RASAL2: variants seen among roughly 807,000 people sequenced by gnomAD.
RASAL2 encodes RAS protein activator like 2, also known as ras GTPase-activating protein nGAP.
A neutral mutation model predicts 128.9 loss-of-function variants in RASAL2; 58 were observed. The observed-to-expected ratio is 0.45, with a 90% CI of 0.36 to 0.56. The LOEUF (loss-of-function observed/expected upper bound fraction) is 0.56. Among genes scored for constraint, RASAL2 ranks in the 20% least tolerant of loss-of-function variants. The pLI is 0.00. For missense variants in RASAL2, 1,360 were observed against 1,601.6 expected, an observed-to-expected ratio of 0.85 and a Z score of 2.57; for synonymous variants, 561 against 580.8, an observed-to-expected ratio of 0.97 and a Z score of 0.49.
rs1660354395 is a variant in RASAL2, at chr1:178,137,091, A to G, written c.202+42397A>G. Among the ~76,000 whole-genome samples the G allele has an allele frequency of 2.0e-5, 3 of 152,296 alleles. No individual in the cohort carries two copies. In the South Asian group the frequency reaches 6.2e-4, roughly 32 times the overall value. Reference sequence around the variant, plus strand: ...GAGAGTTTAAATCCACAAGGGCTATAATTCTGCTTTCCAAAATTTTGAGAC... The same window carrying G: ...GAGAGTTTAAATCCACAAGGGCTATGATTCTGCTTTCCAAAATTTTGAGAC... On this transcript the variant is annotated intron_variant, in intron 1 of 17. Coordinates refer to ENST00000367649, the MANE Select transcript of RASAL2 (RefSeq NM_170692.4).
rs574155120 is a variant in RASAL2 at position 178,381,022 on chromosome 1, G to A, written c.458-9078G>A. Among the ~76,000 whole-genome samples, 3 of 152,274 alleles carry A rather than the reference G, an allele frequency of 2.0e-5. No homozygotes were observed. The South Asian group carries it at 6.2e-4, about 32-fold the overall frequency. On this transcript the variant is annotated intron_variant, in intron 3 of 17. Transcript: ENST00000367649. Reference sequence around the variant, plus strand: ...TGATATTGAAGGTCATCTAAGAGTTGGCAGATATGTAGGTGAAAAAAGCAG... The same window carrying A: ...TGATATTGAAGGTCATCTAAGAGTTAGCAGATATGTAGGTGAAAAAAGCAG...
chr1:178,450,588 A>T (rs1366685092), intron 9 of RASAL2, among the ~76,000 whole-genome samples: 1 of 152,114 alleles, frequency 6.6e-6, no homozygotes, highest in African/African-American at 2.4e-5. Context: ...GCTGCTACTT[A>T]GTTTTGCAGG....
chr1:178,336,503 A>C (rs1357850873), intron 3 of RASAL2, among the ~76,000 whole-genome samples: 1 of 152,130 alleles, frequency 6.6e-6, no homozygotes, highest in Admixed American at 6.5e-5. Flanking sequence ...TGTTATCTGC[A>C]TTATATGAGA....
chr1:178,442,415 AATG>A (rs1364640195), intron 7 of RASAL2, among the ~76,000 whole-genome samples: 3 of 152,058 alleles, frequency 2.0e-5, no homozygotes, highest in Admixed American at 2.0e-4. Context: ...ACCGTTACAA[AATG>A]ATATTTTCTT....
At chr1:178,471,276 AG>A (rs1195219403) in intron 17 of RASAL2, among the ~76,000 whole-genome samples, 1 of 152,108 alleles carries the variant, frequency 6.6e-6, no homozygotes, top group Non-Finnish European at 1.5e-5. Flanking sequence ...GCGAGTAGGG[AG>A]GGGGGAATAT....
chr1:178,103,809 A>G (rs1257352552), intron 1 of RASAL2, among the ~76,000 whole-genome samples: 1 of 151,810 alleles, frequency 6.6e-6, no homozygotes, highest in Non-Finnish European at 1.5e-5. Flanking sequence ...CAGTATTTTC[A>G]TTTTTCTTAT....
At chr1:178,428,712 C>T (rs1557981894) in intron 5 of RASAL2, among the ~76,000 whole-genome samples, 1 of 151,960 alleles carries the variant, frequency 6.6e-6, no homozygotes, top group Admixed American at 6.6e-5. Flanking sequence ...GCCTTAGCCT[C>T]CTAAAGTGCT....
At chr1:178,148,006 G>A (rs752260282) in intron 1 of RASAL2, among the ~76,000 whole-genome samples, 3 of 152,086 alleles carry the variant, frequency 2.0e-5, no homozygotes, top group Non-Finnish European at 4.4e-5. Flanking sequence ...AGGAGGCGGA[G>A]GTTGCAGTGA....
rs531015821 is a variant in RASAL2 at position 178,242,541 on chromosome 1, C to T, written c.203-41023C>T. 3.3e-5 allele frequency among the ~76,000 whole-genome samples: 5 copies of T among 149,748 alleles called. No individual in the cohort carries two copies. In the Admixed American group the frequency reaches 3.4e-4, roughly 10 times the overall value. ...CTCCTGGGCTCAAGCAGTCCTCCAC[C>T]CTCGGCTTCTTAAAGTGCTGTGATG... On this transcript the variant is annotated intron_variant, in intron 1 of 17. Transcript: ENST00000367649.
intron 3 of RASAL2, among the ~76,000 whole-genome samples, chr1:178,305,406 G>A (rs989284284): frequency 1.3e-5 from 2 of 152,140 alleles, no homozygotes; most frequent in Non-Finnish European, 2.9e-5. Flanking sequence ...TTACAGTACA[G>A]AGGTATAGTA....
chr1:178,199,009 T>C (rs1662771825), intron 1 of RASAL2, among the ~76,000 whole-genome samples: 1 of 152,194 alleles, frequency 6.6e-6, no homozygotes, highest in Non-Finnish European at 1.5e-5. Context: ...GTTTACCTAC[T>C]CAAGTAATGG....
chr1:178,387,306 A>G (rs2102592030), intron 3 of RASAL2, among the ~76,000 whole-genome samples: 1 of 152,238 alleles, frequency 6.6e-6, no homozygotes, highest in Non-Finnish European at 1.5e-5. Flanking sequence ...TCTGGACCCG[A>G]TAATACATCA....
At chr1:178,342,746 C>T (rs1669953420) in intron 3 of RASAL2, among the ~76,000 whole-genome samples, 1 of 152,088 alleles carries the variant, frequency 6.6e-6, no homozygotes, top group South Asian at 2.1e-4. Context: ...TATTCACTGC[C>T]TTTGTTATGT....
intron 4 of RASAL2, among the ~76,000 whole-genome samples, chr1:178,403,830 G>A (rs10798606): frequency 0.23 from 34,218 of 152,038 alleles, 6,733 homozygotes; most frequent in African/African-American, 0.53. Flanking sequence ...AAATTTGATT[G>A]TACAAAAGAA....
chr1:178,173,527 A>G (rs928637959), intron 1 of RASAL2, among the ~76,000 whole-genome samples: 4 of 151,990 alleles, frequency 2.6e-5, no homozygotes, highest in African/African-American at 9.7e-5. Flanking sequence ...CACATTTCGT[A>G]TGTATGTTCT....
chr1:178,098,859 A>ATT (rs1425245423), intron 1 of RASAL2, among the ~76,000 whole-genome samples: 1 of 152,190 alleles, frequency 6.6e-6, no homozygotes, highest in Non-Finnish European at 1.5e-5. Context: ...GGCTAGTACT[A>ATT]TTTAAGCAAA....
At chr1:178,151,183 A>T (rs1660902851) in intron 1 of RASAL2, among the ~76,000 whole-genome samples, 1 of 152,140 alleles carries the variant, frequency 6.6e-6, no homozygotes, top group Non-Finnish European at 1.5e-5. Flanking sequence ...AGGCGGGTGG[A>T]TCACTTGAGG....
intron 4 of RASAL2, among the ~76,000 whole-genome samples, chr1:178,395,224 C>A (rs1195164887): frequency 6.6e-6 from 1 of 152,104 alleles, no homozygotes; most frequent in Admixed American, 6.6e-5. Flanking sequence ...GACTAGAGCC[C>A]AGTCTTCTGT....
intron 1 of RASAL2, among the ~76,000 whole-genome samples, chr1:178,271,153 T>G (rs922439849): frequency 4.6e-5 from 7 of 152,188 alleles, no homozygotes; most frequent in African/African-American, 7.2e-5. Flanking sequence ...TCTTCTCCAT[T>G]GAGAGCTACC....
Sources: gnomAD v4.1 joint callset for allele counts (sites outside exome capture counted in the v4.1 genomes callset) on GRCh38, gnomAD v4.1.1 for gene constraint, MANE v1.5 for transcripts, NCBI Gene and HGNC (gene_info 2026-07-23, HGNC 2026-07-21) for gene names.